Variants in USP13 observed in about 807,000 individuals in gnomAD.
USP13 encodes the protein ubiquitin specific peptidase 13.
A neutral mutation model predicts 107.8 loss-of-function variants in USP13; 68 were observed. The observed-to-expected ratio is 0.63, with a 90% CI of 0.52 to 0.77. The LOEUF is 0.77. Ranked by LOEUF, USP13 falls within the 30% of genes least tolerant of loss-of-function variation. The pLI is 0.00. For synonymous variants in USP13, 377 were observed against 389.5 expected (o/e 0.97, Z 0.38); for missense variants, 945 against 1,093.3 (o/e 0.86, Z 1.91).
Position 179,727,155 on chromosome 3 carries a change from T to C in USP13, c.1089-3034T>C, listed in dbSNP as rs576561686. Among the ~76,000 whole-genome samples, 51 of 141,314 alleles carry C rather than the reference T, an allele frequency of 3.6e-4. 1 individual carries two copies. In the South Asian group the frequency reaches 0.011, roughly 31 times the overall value. 92.7% of individuals were successfully genotyped at this position (141,314 alleles called of 152,430 possible). On this transcript the variant is annotated intron_variant, in intron 8 of 20. Coordinates refer to ENST00000263966, the MANE Select transcript of USP13 (RefSeq NM_003940.3). ...ATTCATTTTGAGATTATTGGAACAA[T>C]TTTTAATGTTTTTTTTTTTTTTTTT... is the stretch of plus-strand genomic sequence containing the variant.
intron 3 of USP13, among the ~76,000 whole-genome samples, chr3:179,700,148 T>A (rs1457612842): frequency 6.6e-6 from 1 of 152,128 alleles, no homozygotes; most frequent in African/African-American, 2.4e-5. Context: ...AGCCTTCGTT[T>A]AACCTTTACC....
chr3:179,708,607 C>T (rs544065622), intron 5 of USP13, among the ~76,000 whole-genome samples, 166 bp from the exon 6 acceptor site: 13 of 152,296 alleles, frequency 8.5e-5, no homozygotes, highest in South Asian at 2.1e-4. Flanking sequence ...TGAACCACCA[C>T]GCCCGGCCAA....
At chr3:179,689,267 T>C (rs1224629455) in intron 2 of USP13, among the ~76,000 whole-genome samples, 1 of 152,176 alleles carries the variant, frequency 6.6e-6, no homozygotes, top group South Asian at 2.1e-4. Flanking sequence ...GAGAGTAAAA[T>C]GTTTTGTGTG....
chr3:179,731,365 C>T (rs1221347522), intron 10 of USP13, among the ~76,000 whole-genome samples: 1 of 152,216 alleles, frequency 6.6e-6, no homozygotes, highest in Non-Finnish European at 1.5e-5. Context: ...AACTGTGCCA[C>T]TGCACTCCAG....
At position 179,757,041 on chromosome 3, in the gene USP13, T is replaced by G. The variant is rs753807923; in HGVS notation, c.1922-11T>G. On this transcript the variant is annotated splice_polypyrimidine_tract_variant and intron_variant, in intron 15 of 20. Coordinates refer to ENST00000263966, the MANE Select transcript of USP13 (RefSeq NM_003940.3). ...TTGGTCTCATTTTCTGTCCTCTCCC[T>G]TAATTTCCAGATCGCCTGATGAACC... The G allele has an allele frequency of 9.9e-6, 16 of 1,613,924 alleles. No homozygotes were observed. The highest frequency in any genetic ancestry group is 1.4e-5 in the Non-Finnish European group (16 of 1,179,896).
rs57620088 is a variant in USP13 at position 179,679,794 on chromosome 3, GTTTTTT to G, written c.169-2062_169-2057del. Among the ~76,000 whole-genome samples, 31 of 97,452 alleles carry G rather than the reference GTTTTTT, an allele frequency of 3.2e-4. No homozygotes were observed. In the South Asian group the frequency reaches 9.5e-3, roughly 30 times the overall value. The allele number at this position is 97,452 out of a possible 152,430, so 63.9% of individuals were successfully genotyped here. A position where few individuals can be genotyped will look rare whatever the true frequency, so the allele number is the denominator to read the frequency against. On this transcript the variant is annotated intron_variant, in intron 1 of 20. Coordinates refer to ENST00000263966, the MANE Select transcript of USP13 (RefSeq NM_003940.3). ...AACTTGGGTAAGTGACCTATCCTTA[GTTTTTT>G]TTTTTTTTTTTTTTTTTTTTTGATA...
chr3:179,756,133 A>G (rs1394803560), intron 15 of USP13, among the ~76,000 whole-genome samples: 2 of 152,200 alleles, frequency 1.3e-5, no homozygotes, highest in African/African-American at 4.8e-5. Context: ...GATCTTAGAA[A>G]TACAGAGAGG....
chr3:179,728,001 G>A (rs1351353381), intron 8 of USP13, among the ~76,000 whole-genome samples: 1 of 59,544 alleles, frequency 1.7e-5, no homozygotes. Flanking sequence ...CTCCCAGACG[G>A]GGCGGCTGGC....
Position 179,761,138 on chromosome 3 carries a change from A to T in USP13, c.1975A>T (p.Met659Leu). The change falls in exon 17 of 21, where the codon ATG (methionine) becomes TTG (leucine). Residue 659 changes from methionine (M) to leucine (L), a missense_variant. Met to Leu is a conservative substitution (Grantham distance 15). Transcript: ENST00000263966. ...DPSDIDESSVMQLAEMGFPLE... is the reference protein window; with the variant it reads ...DPSDIDESSVLQLAEMGFPLE... ...ATCAGACATCGATGAGTCATCAGTG[A>T]TGCAGCTGGCCGAGATGGGTTTCCC... The T allele has an allele frequency of 6.2e-7, 1 of 1,614,190 alleles. No individual in the cohort carries two copies. The highest frequency in any genetic ancestry group is 1.1e-5 in the South Asian group (1 of 91,086).
chr3:179,679,231 C>T (rs542123652), intron 1 of USP13, among the ~76,000 whole-genome samples: 2 of 151,924 alleles, frequency 1.3e-5, no homozygotes, highest in Admixed American at 6.6e-5. Context: ...GGAATTTAAA[C>T]AAATTTTAAA....
chr3:179,689,814 G>A (rs1403720587), intron 2 of USP13, among the ~76,000 whole-genome samples: 1 of 152,154 alleles, frequency 6.6e-6, no homozygotes, highest in Admixed American at 6.5e-5. Context: ...TTCAACAGTA[G>A]TTGTTAGGCA....
intron 10 of USP13, among the ~76,000 whole-genome samples, chr3:179,732,875 A>C (rs962094803): frequency 6.6e-6 from 1 of 152,090 alleles, no homozygotes; most frequent in Non-Finnish European, 1.5e-5. Context: ...TTACATCTCC[A>C]GGGTCTGAGG....
At chr3:179,728,219 GCCA>G (rs1713632529) in intron 8 of USP13, among the ~76,000 whole-genome samples, 1 of 143,524 alleles carries the variant, frequency 7.0e-6, no homozygotes, top group Admixed American at 6.8e-5. Context: ...CCACCTCCCT[GCCA>G]GACGAGGTGG....
intron 1 of USP13, among the ~76,000 whole-genome samples, chr3:179,674,050 C>T (rs1252940961): frequency 2.6e-5 from 4 of 152,176 alleles, no homozygotes; most frequent in African/African-American, 9.7e-5. Context: ...TGTGCCACTA[C>T]GCCCGGCTAA....
At chr3:179,781,916 A>T (rs1715761772) in intron 20 of USP13, 93 bp downstream of exon 20, 1 of 1,165,494 alleles carries the variant, frequency 8.6e-7, no homozygotes, top group Non-Finnish European at 1.3e-6. Flanking sequence ...ATGTTATCTT[A>T]TTTGGTTCTC....
intron 4 of USP13, among the ~76,000 whole-genome samples, chr3:179,706,628 C>T (rs1712727264): frequency 6.6e-6 from 1 of 152,162 alleles, no homozygotes; most frequent in Non-Finnish European, 1.5e-5. Context: ...AATTGTTCAC[C>T]TCCTACTTTT....
chr3:179,676,383 TGC>T (rs1720892781), intron 1 of USP13, among the ~76,000 whole-genome samples: 1 of 152,176 alleles, frequency 6.6e-6, no homozygotes, highest in African/African-American at 2.4e-5. Flanking sequence ...CATGGAGGCA[TGC>T]GCTTTACCAT....
At chr3:179,683,162 A>C (rs1233844694) in intron 2 of USP13, among the ~76,000 whole-genome samples, 1 of 149,598 alleles carries the variant, frequency 6.7e-6, no homozygotes, top group Non-Finnish European at 1.5e-5. Context: ...TACATTCTGG[A>C]TACCAAACCT....
At chr3:179,753,946 T>G (rs1224418962) in intron 14 of USP13, among the ~76,000 whole-genome samples, 2 of 152,228 alleles carry the variant, frequency 1.3e-5, no homozygotes, top group Non-Finnish European at 2.9e-5. Context: ...ACTGTAAAGA[T>G]AATACACTTG....
Sources: gnomAD v4.1 joint callset for allele counts (sites outside exome capture counted in the v4.1 genomes callset) on GRCh38, gnomAD v4.1.1 for gene constraint, MANE v1.5 for transcripts, NCBI Gene and HGNC (gene_info 2026-07-23, HGNC 2026-07-21) for gene names.